MEGF9: variants seen among roughly 807,000 people sequenced by gnomAD.
The protein encoded by MEGF9 is multiple EGF like domains 9.
Under a neutral mutation model 46.8 loss-of-function variants are expected in MEGF9, and 6 were observed. The observed-to-expected ratio is 0.13, with a 90% confidence interval of 0.07 to 0.25. The LOEUF (loss-of-function observed/expected upper bound fraction) is 0.25. MEGF9 is among the 10% of genes least tolerant of loss of function. MEGF9 has a pLI of 1.00. For synonymous variants in MEGF9, 302 were observed against 330.7 expected, an observed-to-expected ratio of 0.91 and a Z score of 0.94; for missense variants, 683 against 792.4, an observed-to-expected ratio of 0.86 and a Z score of 1.66.
At chr9:120,713,209 T>C (rs972701827) in intron 1 of MEGF9, among the ~76,000 whole-genome samples, 1 of 152,246 alleles carries the variant, frequency 6.6e-6, no homozygotes, top group Non-Finnish European at 1.5e-5. Context: ...TTTTTTGTTT[T>C]TATTTTTTGC....
intron 1 of MEGF9, among the ~76,000 whole-genome samples, chr9:120,694,155 T>C (rs2043863968): frequency 6.6e-6 from 1 of 152,192 alleles, no homozygotes; most frequent in Non-Finnish European, 1.5e-5. Context: ...GTTAGAAGGA[T>C]ATAATAGAAC....
chr9:120,641,194 A>G (rs1440990820), intron 2 of MEGF9, among the ~76,000 whole-genome samples: 3 of 152,098 alleles, frequency 2.0e-5, no homozygotes, highest in South Asian at 2.1e-4. Context: ...ACTTAAATAA[A>G]CCTCTTAGAA....
intron 1 of MEGF9, among the ~76,000 whole-genome samples, chr9:120,710,373 G>T (rs147037205): frequency 6.8e-6 from 1 of 146,314 alleles, no homozygotes; most frequent in Admixed American, 7.0e-5. Context: ...GTGGTGAGCC[G>T]AGATAGCACC....
chr9:120,651,977 T>A (rs1173746023), intron 2 of MEGF9, among the ~76,000 whole-genome samples: 1 of 151,432 alleles, frequency 6.6e-6, no homozygotes, highest in Non-Finnish European at 1.5e-5. Flanking sequence ...AAATAAAAAT[T>A]GAAGACAATA....
intron 1 of MEGF9, among the ~76,000 whole-genome samples, chr9:120,668,928 A>G (rs534472663): frequency 2.0e-5 from 3 of 152,354 alleles, no homozygotes; most frequent in Admixed American, 2.0e-4. Context: ...CAACAATCAG[A>G]CAGACCCAGA....
At chr9:120,612,277 T>G in intron 4 of MEGF9, 119 bp downstream of exon 4, 1 of 890,792 alleles carries the variant, frequency 1.1e-6, no homozygotes. Flanking sequence ...AAACTTTTGC[T>G]GTTTTTATAA....
Position 120,714,049 on chromosome 9 carries a change from G to A in MEGF9, c.310C>T (p.Pro104Ser). 7.6e-7 allele frequency: 1 copy of A among 1,310,190 alleles called. No individual in the cohort carries two copies. Among genetic ancestry groups the A allele is most frequent in the Non-Finnish European group, 9.7e-7 (1 of 1,026,904 alleles). 81.2% of individuals were successfully genotyped at this position (1,310,190 alleles called of 1,614,324 possible). Residue 104 changes from proline to serine, a missense_variant, in exon 1 of 6, where the codon CCT becomes TCT. Physicochemically the swap from Pro to Ser is moderately conservative, Grantham distance 74. Around this residue, in one of 2 missense-constraint regions of MEGF9, gnomAD observed 370 missense variants for 371.3 expected, o/e 1.00. Coordinates refer to ENST00000373930, the MANE Select transcript of MEGF9 (RefSeq NM_001080497.3). ...GAGGGTCCAGCAGTCGCCCAAAGAG[G>A]GGTGGTCTCCGGGGACTGGGCTGGA... ...TSPAQSPETT[P>S]LWATAGPSST...
intron 2 of MEGF9, among the ~76,000 whole-genome samples, chr9:120,653,554 T>C (rs186896924): frequency 7.7e-4 from 117 of 152,202 alleles, no homozygotes; most frequent in African/African-American, 2.7e-3. Context: ...GTATTTTTAG[T>C]AGAGACAGGG....
At chr9:120,659,685 G>T in intron 1 of MEGF9, 110 bp from the exon 2 acceptor site, 1 of 924,196 alleles carries the variant, frequency 1.1e-6, no homozygotes, top group Non-Finnish European at 1.6e-6. Flanking sequence ...ACTTTGTAAG[G>T]ATAGATAAAA....
At chr9:120,663,617 T>C (rs1034343806) in intron 1 of MEGF9, among the ~76,000 whole-genome samples, 6 of 152,212 alleles carry the variant, frequency 3.9e-5, no homozygotes, top group African/African-American at 1.4e-4. Context: ...ACATGATTAA[T>C]GGCAAGTCAC....
chr9:120,712,243 G>A (rs1460411256), intron 1 of MEGF9, among the ~76,000 whole-genome samples: 1 of 152,144 alleles, frequency 6.6e-6, no homozygotes, highest in Non-Finnish European at 1.5e-5. Flanking sequence ...GGGCAACAGA[G>A]CCAGACCCTG....
intron 2 of MEGF9, among the ~76,000 whole-genome samples, chr9:120,628,257 CAA>C (rs1209725062): frequency 6.6e-6 from 1 of 151,984 alleles, no homozygotes; most frequent in Admixed American, 6.6e-5. Context: ...GACTTTCTGG[CAA>C]AAGATTATCT....
intron 1 of MEGF9, among the ~76,000 whole-genome samples, chr9:120,675,887 C>CA (rs1173047863): frequency 0.61 from 36,047 of 58,868 alleles, 11,373 homozygotes; most frequent in South Asian, 0.72. Context: ...GACTCCATCT[C>CA]AAAAAAAAAA....
rs538531020 is a variant in MEGF9, at chr9:120,624,721, A to G, written c.804-1966T>C. Among the ~76,000 whole-genome samples, 5 of 152,142 alleles carry G rather than the reference A, an allele frequency of 3.3e-5. No individual in the cohort carries two copies. The East Asian group carries it at 7.8e-4, about 24-fold the overall frequency. On this transcript the variant is annotated intron_variant, in intron 2 of 5. Transcript: ENST00000373930. ...AAACCCCGTCTCTACCAAAAATACA[A>G]AAATTAGTCAGAGTGGTGGTGTGTG... is the stretch of plus-strand genomic sequence containing the variant.
intron 2 of MEGF9, among the ~76,000 whole-genome samples, chr9:120,651,239 G>A (rs1279872632): frequency 1.3e-5 from 2 of 152,184 alleles, no homozygotes; most frequent in African/African-American, 4.8e-5. Context: ...ACCAGGGTCA[G>A]TGTCTGATTA....
intron 1 of MEGF9, among the ~76,000 whole-genome samples, chr9:120,661,267 A>G (rs1564422769): frequency 6.6e-6 from 1 of 152,322 alleles, no homozygotes; most frequent in East Asian, 1.9e-4. Context: ...TAATCCTAGC[A>G]CTTTAGGAGG....
rs187722292 is a variant in MEGF9 at position 120,665,670 on chromosome 9, T to C, written c.602-6095A>G. 7.2e-5 allele frequency among the ~76,000 whole-genome samples: 11 copies of C among 152,304 alleles called. No homozygotes were observed. In the East Asian group the frequency reaches 1.3e-3, roughly 19 times the overall value. On this transcript the variant is annotated intron_variant, in intron 1 of 5. Transcript: ENST00000373930. ...TTCATTATTTTTCATGGCTGTATAG[T>C]ACCAATATTCTAAAGCAGTTCCCCT...
intron 2 of MEGF9, among the ~76,000 whole-genome samples, chr9:120,630,300 C>T (rs1430396203): frequency 6.6e-6 from 1 of 152,212 alleles, no homozygotes; most frequent in African/African-American, 2.4e-5. Flanking sequence ...TCTGACTTCA[C>T]TTAAGATAAT....
chr9:120,652,164 ACACAC>A (rs2043653174), intron 2 of MEGF9, among the ~76,000 whole-genome samples: 1 of 39,800 alleles, frequency 2.5e-5, no homozygotes, highest in Non-Finnish European at 6.3e-5. Flanking sequence ...ACACACACAC[ACACAC>A]ACACACACAC....
Sources: gnomAD v4.1 joint callset for allele counts (sites outside exome capture counted in the v4.1 genomes callset) on GRCh38, gnomAD v4.1.1 for gene constraint, gnomAD v4.1.1 regional missense constraint, MANE v1.5 for transcripts, NCBI Gene and HGNC (gene_info 2026-07-23, HGNC 2026-07-21) for gene names.